Variants in NME9 observed in about 807,000 individuals in gnomAD.
NME9 encodes the protein NME/NM23 family member 9.
Under a neutral mutation model 44.4 loss-of-function variants are expected in NME9, and 48 were observed. The ratio of observed to expected loss-of-function variants is 1.08; its 90% CI spans 0.86 to 1.37. The LOEUF (loss-of-function observed/expected upper bound fraction) is 1.37, where lower values mean the gene tolerates loss of function less well. Ranked by LOEUF, NME9 falls within the 40% of genes most tolerant of loss-of-function variation. The pLI, the probability that NME9 is intolerant of heterozygous loss-of-function variation, is 0.00. For missense variants in NME9, 325 were observed against 405.2 expected, an observed-to-expected ratio of 0.80 and a Z score of 1.70; for synonymous variants, 139 against 147.1, an observed-to-expected ratio of 0.94 and a Z score of 0.40.
At chr3:138,263,964 C>T (rs1010624356) in intron 8 of NME9, 3 of 970,108 alleles carry the variant, frequency 3.1e-6, no homozygotes, top group Non-Finnish European at 4.8e-6. Flanking sequence ...ATAACATTGT[C>T]TAACAGAGAG....
At chr3:138,284,617 A>G (rs2050230228) in intron 8 of NME9, 3 of 989,174 alleles carry the variant, frequency 3.0e-6, no homozygotes, top group Non-Finnish European at 3.1e-6. Context: ...TTTTAAAAAG[A>G]GGAAAAGAAT....
At chr3:138,303,330 A>G in intron 10 of NME9, 177 bp downstream of exon 10, 1 of 471,520 alleles carries the variant, frequency 2.1e-6, no homozygotes, top group Non-Finnish European at 3.8e-6. Flanking sequence ...ATGAGAACAC[A>G]AAACAGTTTA....
rs763328613 is a variant in NME9 at position 138,276,376 on chromosome 3, CAT to C, written c.746-13792_746-13791del. On this transcript the variant is annotated intron_variant, in intron 8 of 8. Coordinates refer to the NME9 transcript ENST00000317876. ...TGTCACCACAGACAAGATAGTAAAA[CAT>C]ATGTATCACTGCCCTTAAATTGGGA... 4.1e-4 allele frequency among the ~76,000 whole-genome samples: 62 copies of C among 152,310 alleles called. 1 individual carries two copies. Among genetic ancestry groups the C allele is most frequent in the Admixed American group, 1.3e-3 (20 of 15,298 alleles).
intron 8 of NME9, among the ~76,000 whole-genome samples, chr3:138,282,217 T>G (rs1236339224): frequency 1.3e-5 from 2 of 152,200 alleles, no homozygotes; most frequent in Non-Finnish European, 2.9e-5. Context: ...AAGGTGGGGT[T>G]GTTGTAAAGC....
intron 8 of NME9, among the ~76,000 whole-genome samples, chr3:138,283,434 T>G (rs991659619): frequency 6.6e-6 from 1 of 152,218 alleles, no homozygotes; most frequent in Non-Finnish European, 1.5e-5. Context: ...ACCCTTGCAG[T>G]ATCCAACAAG....
intron 10 of NME9, among the ~76,000 whole-genome samples, chr3:138,302,943 C>G (rs2051947427): frequency 6.6e-6 from 1 of 152,208 alleles, no homozygotes; most frequent in Non-Finnish European, 1.5e-5. Context: ...GGGTTCTCAC[C>G]CAGATTTGGA....
intron 6 of NME9, among the ~76,000 whole-genome samples, chr3:138,311,897 A>G (rs977071060): frequency 6.6e-6 from 1 of 152,216 alleles, no homozygotes. Context: ...TAGAACTGAT[A>G]AACGAAATCA....
chr3:138,302,042 G>T (rs1324790648), intron 10 of NME9, among the ~76,000 whole-genome samples: 1 of 152,170 alleles, frequency 6.6e-6, no homozygotes, highest in Non-Finnish European at 1.5e-5. Flanking sequence ...CCCAGAAAAT[G>T]TAAGTAACTT....
At chr3:138,322,605 G>A (rs1016475710) in intron 2 of NME9, among the ~76,000 whole-genome samples, 16 of 152,092 alleles carry the variant, frequency 1.1e-4, no homozygotes, top group Non-Finnish European at 2.4e-4. Flanking sequence ...AGATTTCCAA[G>A]ATACTGGTGG....
At chr3:138,298,586 C>A (rs1447230655), downstream of NME9, among the ~76,000 whole-genome samples, 1 of 152,058 alleles carries the variant, frequency 6.6e-6, no homozygotes, top group African/African-American at 2.4e-5. Context: ...TTTTTGGCCT[C>A]CTTCTGAAGG....
At chr3:138,286,123 A>G (rs1161216636) in intron 8 of NME9, among the ~76,000 whole-genome samples, 1 of 152,058 alleles carries the variant, frequency 6.6e-6, no homozygotes, top group Non-Finnish European at 1.5e-5. Flanking sequence ...TTGTATTTTT[A>G]GAAGAGATGG....
At chr3:138,284,733 C>G (rs985776235) in intron 8 of NME9, among the ~76,000 whole-genome samples, 6 of 152,140 alleles carry the variant, frequency 3.9e-5, no homozygotes, top group African/African-American at 1.4e-4. Context: ...ATATTATTAC[C>G]TGCCAGTCGA....
At chr3:138,289,246 C>T in intron 8 of NME9, 1 of 697,862 alleles carries the variant, frequency 1.4e-6, no homozygotes, top group East Asian at 2.8e-5. Context: ...CCCAAGCACC[C>T]TCTAGAGTTG....
chr3:138,263,238 C>T (rs1027246500), intron 8 of NME9, among the ~76,000 whole-genome samples: 3 of 152,218 alleles, frequency 2.0e-5, no homozygotes, highest in African/African-American at 2.4e-5. Flanking sequence ...AGCAGCACTT[C>T]GTGCTATAGT....
At chr3:138,321,376 G>A (rs537762949) in intron 2 of NME9, among the ~76,000 whole-genome samples, 20 of 152,288 alleles carry the variant, frequency 1.3e-4, no homozygotes, top group South Asian at 1.2e-3. Context: ...CTCACATGAC[G>A]GAAGTCAAGG....
At chr3:138,305,907 T>G in intron 8 of NME9, 97 bp downstream of exon 8, 1 of 861,760 alleles carries the variant, frequency 1.2e-6, no homozygotes, top group East Asian at 2.4e-5. Context: ...TGGTTCTTCA[T>G]AATTTCTTCT....
intron 4 of NME9, 89 bp from the exon 5 acceptor site, chr3:138,315,732 G>T (rs1005809490): frequency 7.6e-6 from 8 of 1,049,240 alleles, no homozygotes; most frequent in Middle Eastern, 2.0e-4. Context: ...GTGTCCCCAA[G>T]TTCAAGGTCC....
chr3:138,282,698 G>A (rs1311143787), intron 8 of NME9, among the ~76,000 whole-genome samples: 1 of 151,622 alleles, frequency 6.6e-6, no homozygotes, highest in Non-Finnish European at 1.5e-5. Flanking sequence ...GTAGGCTCAG[G>A]TGGGGCTAGA....
chr3:138,315,881 G>T (rs1037456546), intron 4 of NME9, among the ~76,000 whole-genome samples: 3 of 152,000 alleles, frequency 2.0e-5, no homozygotes, highest in Admixed American at 1.3e-4. Flanking sequence ...GCCCAGGCTG[G>T]AGTGCAGTGG....
Sources: allele counts gnomAD v4.1 joint callset (sites outside exome capture counted in the v4.1 genomes callset), GRCh38; gene constraint gnomAD v4.1.1; transcripts MANE v1.5; gene names NCBI Gene and HGNC (gene_info 2026-07-23, HGNC 2026-07-21).